The following SESN3 variants were observed in gnomAD, a reference collection of about 807,000 sequenced individuals.
The protein encoded by SESN3 is sestrin 3.
A neutral mutation model predicts 55.3 loss-of-function variants in SESN3; 21 were observed. That is an observed-to-expected ratio of 0.38 (90% CI 0.27 to 0.55). The LOEUF is 0.55. Ranked by LOEUF, SESN3 falls within the 20% of genes least tolerant of loss-of-function variation. SESN3 has a pLI of 0.76. For synonymous variants in SESN3, 181 were observed against 203.1 expected (o/e 0.89, Z 0.93); for missense variants, 408 against 604.3 (o/e 0.68, Z 3.41).
chr11:95,194,506 C>T (rs960579849), intron 1 of SESN3, among the ~76,000 whole-genome samples: 1 of 152,098 alleles, frequency 6.6e-6, no homozygotes, highest in Non-Finnish European at 1.5e-5. Flanking sequence ...TCTCTGCCCT[C>T]ATGAGCTGTA....
rs183852685 is a variant in SESN3 at position 95,166,768 on chromosome 11, A to C, written c.*6487T>G. On this transcript the variant is annotated 3_prime_UTR_variant, in exon 10 of 10. Coordinates refer to ENST00000536441, the MANE Select transcript of SESN3 (RefSeq NM_144665.4). ...ATACTAGTAGCACTGAGAAGATGCC[A>C]AACTGGCTGTGGTTTGCTTTCTATG... 108 of 152,340 alleles carry C rather than the reference A, an allele frequency of 7.1e-4. No homozygotes were observed. Among genetic ancestry groups the C allele is most frequent in the African/African-American group, 2.4e-3 (98 of 41,588 alleles). The allele number at this position is 152,340 out of a possible 1,614,324, so 9.4% of individuals were successfully genotyped here.
At chr11:95,184,194 G>A in intron 6 of SESN3, 2 of 582,400 alleles carry the variant, frequency 3.4e-6, no homozygotes, top group Non-Finnish European at 6.1e-6. Context: ...ATCCAGGATA[G>A]AGTATGAACT....
chr11:95,182,203 C>T (rs1288102883), intron 6 of SESN3: 3 of 314,502 alleles, frequency 9.5e-6, no homozygotes, highest in East Asian at 1.1e-4. Context: ...TGATATTTTT[C>T]AAGCTTTAGT....
intron 1 of SESN3, among the ~76,000 whole-genome samples, chr11:95,227,376 T>A (rs2134273824): frequency 6.6e-6 from 1 of 152,196 alleles, no homozygotes; most frequent in Non-Finnish European, 1.5e-5. Context: ...CAGCTAATTT[T>A]TGTATTTTTA....
At chr11:95,186,234 GTGT>G (rs1860163604) in intron 4 of SESN3, among the ~76,000 whole-genome samples, 2 of 149,492 alleles carry the variant, frequency 1.3e-5, no homozygotes, top group Non-Finnish European at 3.0e-5. Flanking sequence ...GTGTGTGTGT[GTGT>G]GTGTGGTGTA....
At chr11:95,182,583 C>T (rs1860076915) in intron 6 of SESN3, among the ~76,000 whole-genome samples, 2 of 152,184 alleles carry the variant, frequency 1.3e-5, no homozygotes. Flanking sequence ...ACTTCTGCAT[C>T]TCAACAAGAT....
chr11:95,174,647 C>A (rs1364442902), intron 9 of SESN3, among the ~76,000 whole-genome samples: 1 of 151,956 alleles, frequency 6.6e-6, no homozygotes, highest in Non-Finnish European at 1.5e-5. Context: ...CCATGCCCAG[C>A]TAATTTTTGT....
At chr11:95,173,431 T>C in intron 9 of SESN3, 90 bp from the exon 10 acceptor site, 1 of 675,882 alleles carries the variant, frequency 1.5e-6, no homozygotes. Flanking sequence ...TATGTGTATA[T>C]AAGCAATATA....
intron 6 of SESN3, chr11:95,184,142 A>G (rs1565464527): frequency 2.4e-6 from 1 of 423,444 alleles, no homozygotes; most frequent in Non-Finnish European, 4.2e-6. Flanking sequence ...AAATATGTCT[A>G]TCTAACTTTA....
intron 1 of SESN3, among the ~76,000 whole-genome samples, chr11:95,196,113 AT>A (rs1347750725): frequency 4.6e-5 from 7 of 152,198 alleles, no homozygotes; most frequent in African/African-American, 1.4e-4. Context: ...TATACCGAAC[AT>A]AAAAGAAAAC....
chr11:95,176,473 T>C (rs1859958255), intron 8 of SESN3, among the ~76,000 whole-genome samples: 1 of 152,088 alleles, frequency 6.6e-6, no homozygotes, highest in Non-Finnish European at 1.5e-5. Flanking sequence ...GAAGGGAGCA[T>C]TGCTAGAACT....
intron 1 of SESN3, among the ~76,000 whole-genome samples, chr11:95,211,140 A>T (rs1024785259): frequency 2.5e-4 from 38 of 152,226 alleles, no homozygotes; most frequent in African/African-American, 8.9e-4. Flanking sequence ...TCATGTAAAC[A>T]AGCCAATCAT....
intron 1 of SESN3, among the ~76,000 whole-genome samples, chr11:95,216,445 T>C (rs1489957701): frequency 1.3e-5 from 2 of 152,200 alleles, no homozygotes; most frequent in African/African-American, 4.8e-5. Flanking sequence ...CAAAATTTAC[T>C]AAATATACAC....
intron 2 of SESN3, 95 bp downstream of exon 2, chr11:95,193,362 T>C: frequency 1.3e-6 from 1 of 760,988 alleles, no homozygotes; most frequent in South Asian, 1.6e-5. Flanking sequence ...AAAAGCAAAA[T>C]TCATTCCTAC....
chr11:95,185,539 C>T lies in SESN3; in HGVS notation c.526-47G>A, dbSNP rs188044337. ...GAGCAAATATAAAAATTCTAGAATG[C>T]TACAAAGAAATTTCAATGAAAATCT... On this transcript the variant is annotated intron_variant, in intron 4 of 9. Coordinates refer to ENST00000536441, the MANE Select transcript of SESN3 (RefSeq NM_144665.4). 1.8e-5 allele frequency: 21 copies of T among 1,198,278 alleles called. No homozygotes were observed. In the African/African-American group the frequency reaches 2.4e-4, roughly 14 times the overall value. 74.2% of individuals were successfully genotyped at this position (1,198,278 alleles called of 1,614,324 possible).
In SESN3 at chr11:95,230,694, T is replaced by C; in HGVS notation, c.78+89A>G. On this transcript the variant is annotated intron_variant, in intron 1 of 9. Transcript: ENST00000536441. The surrounding 1 kb of genome is among the most constrained non-coding windows in gnomAD (Gnocchi z 4.6). ...CGGTGCCCGGGGATCCCTCTCAGCCTCCCCCAGTGCGCGCCCGGGGACGAG... is the reference window on the plus strand; with the variant it reads ...CGGTGCCCGGGGATCCCTCTCAGCCCCCCCCAGTGCGCGCCCGGGGACGAG... 1.1e-6 allele frequency: 1 copy of C among 917,602 alleles called. No individual in the cohort carries two copies. Among genetic ancestry groups the C allele is most frequent in the African/African-American group, 1.7e-5 (1 of 58,920 alleles). The allele number at this position is 917,602 out of a possible 1,614,324, so 56.8% of individuals were successfully genotyped here. A position where few individuals can be genotyped will look rare whatever the true frequency, so the allele number is the denominator to read the frequency against.
At chr11:95,194,041 T>A (rs1274155740) in intron 1 of SESN3, among the ~76,000 whole-genome samples, 1 of 152,066 alleles carries the variant, frequency 6.6e-6, no homozygotes, top group Non-Finnish European at 1.5e-5. Flanking sequence ...TAGTTCAATA[T>A]AAAGAATGGG....
chr11:95,220,509 A>G (rs2134266239), intron 1 of SESN3, among the ~76,000 whole-genome samples: 1 of 152,314 alleles, frequency 6.6e-6, no homozygotes, highest in South Asian at 2.1e-4. Flanking sequence ...TAAAAGAGAT[A>G]ACTATATAGG....
In SESN3 at chr11:95,216,291, A is replaced by G. The variant is rs571821440; in HGVS notation, c.78+14492T>C. Among the ~76,000 whole-genome samples, 7 of 152,290 alleles carry G rather than the reference A, an allele frequency of 4.6e-5. No homozygotes were observed. In the East Asian group the frequency reaches 1.2e-3, roughly 25 times the overall value. ...AAAGAAATGGCCTTTTATAGTAACA[A>G]TGGACTCCTCTTTGACAGTCATGTA... is the stretch of plus-strand genomic sequence containing the variant. On this transcript the variant is annotated intron_variant, in intron 1 of 9. Coordinates refer to ENST00000536441, the MANE Select transcript of SESN3 (RefSeq NM_144665.4).
Sources: allele counts gnomAD v4.1 joint callset (sites outside exome capture counted in the v4.1 genomes callset), GRCh38; gene constraint gnomAD v4.1.1; non-coding constraint Gnocchi (gnomAD v3.1); transcripts MANE v1.5; gene names NCBI Gene and HGNC (gene_info 2026-07-23, HGNC 2026-07-21).